CNBD1: variants seen among roughly 807,000 people sequenced by gnomAD.
CNBD1 encodes the protein cyclic nucleotide-binding domain-containing protein 1.
Under a neutral mutation model 54.4 loss-of-function variants are expected in CNBD1, and 71 were observed. That is an observed-to-expected ratio of 1.30 (90% CI 1.08 to 1.59). The LOEUF is 1.59. Ranked by LOEUF, CNBD1 falls within the 40% of genes most tolerant of loss-of-function variation. CNBD1 has a pLI of 0.00. For missense variants in CNBD1, 659 were observed against 518.0 expected (o/e 1.27, Z -2.64); for synonymous variants, 182 against 170.7 (o/e 1.07, Z -0.51).
chr8:87,047,258 T>G (rs1295780060), intron 4 of CNBD1, among the ~76,000 whole-genome samples: 1 of 152,164 alleles, frequency 6.6e-6, no homozygotes, highest in Non-Finnish European at 1.5e-5. Flanking sequence ...GGATGTGTGT[T>G]CCTGGGTAGA....
At chr8:87,275,410 T>C (rs1040820837) in intron 6 of CNBD1, among the ~76,000 whole-genome samples, 2 of 152,018 alleles carry the variant, frequency 1.3e-5, no homozygotes, top group African/African-American at 4.8e-5. Context: ...CCCATGAGCA[T>C]GGAATGTTCT....
At chr8:87,308,114 C>T (rs1809194894) in intron 8 of CNBD1, among the ~76,000 whole-genome samples, 1 of 152,120 alleles carries the variant, frequency 6.6e-6, no homozygotes, top group Admixed American at 6.6e-5. Flanking sequence ...AGTCCCTTTT[C>T]CTGATTGTTC....
intron 4 of CNBD1, among the ~76,000 whole-genome samples, chr8:87,169,108 A>G (rs1563493885): frequency 6.6e-6 from 1 of 151,998 alleles, no homozygotes. Context: ...GCTTTTGGAT[A>G]AAAGCCATTT....
intron 2 of CNBD1, among the ~76,000 whole-genome samples, chr8:86,892,503 A>T (rs1158418946): frequency 6.6e-6 from 1 of 152,170 alleles, no homozygotes; most frequent in African/African-American, 2.4e-5. Context: ...AAAAGAACTA[A>T]CTGACAAAGT....
chr8:87,002,934 A>G (rs994255682), intron 4 of CNBD1, among the ~76,000 whole-genome samples: 5 of 152,106 alleles, frequency 3.3e-5, no homozygotes, highest in Admixed American at 6.6e-5. Flanking sequence ...ATATTTATTG[A>G]CTATTTTAGG....
intron 6 of CNBD1, among the ~76,000 whole-genome samples, chr8:87,247,081 G>A (rs1171093413): frequency 6.6e-5 from 10 of 152,060 alleles, no homozygotes; most frequent in African/African-American, 2.4e-4. Flanking sequence ...TTGGAAACAG[G>A]AGCAGGCTTT....
chr8:87,397,271 C>T (rs1811426719), intron 2 of CNBD1, among the ~76,000 whole-genome samples: 1 of 151,850 alleles, frequency 6.6e-6, no homozygotes. Flanking sequence ...AAGGAACAGC[C>T]TCCCATGACT....
chr8:87,037,407 G>A (rs556291733), intron 4 of CNBD1, among the ~76,000 whole-genome samples: 1 of 152,066 alleles, frequency 6.6e-6, no homozygotes, highest in South Asian at 2.1e-4. Flanking sequence ...TATTATTTCA[G>A]TGATAATCAT....
intron 8 of CNBD1, among the ~76,000 whole-genome samples, chr8:87,307,432 C>CT (rs1563545844): frequency 2.0e-5 from 3 of 152,142 alleles, no homozygotes; most frequent in African/African-American, 7.2e-5. Context: ...TTGCTGAAAA[C>CT]TTAAGTGATC....
intron 5 of CNBD1, among the ~76,000 whole-genome samples, chr8:87,233,787 TAAG>T (rs780964507): frequency 3.8e-4 from 58 of 152,234 alleles, no homozygotes; most frequent in Non-Finnish European, 7.9e-4. Context: ...GGCAATTTCT[TAAG>T]AAGATGGCAA....
intron 1 of CNBD1, among the ~76,000 whole-genome samples, chr8:86,870,672 A>G (rs1808431227): frequency 6.6e-6 from 1 of 152,204 alleles, no homozygotes; most frequent in Admixed American, 6.5e-5. Context: ...ATATATTTGA[A>G]AAAGTGAATA....
intron 4 of CNBD1, among the ~76,000 whole-genome samples, chr8:86,962,964 A>G (rs923301584): frequency 1.3e-5 from 2 of 152,144 alleles, no homozygotes; most frequent in African/African-American, 4.8e-5. Flanking sequence ...CTGAGGGTCA[A>G]AGGAGTCCAG....
chr8:87,016,063 T>G (rs1203880649), intron 4 of CNBD1, among the ~76,000 whole-genome samples: 1 of 151,434 alleles, frequency 6.6e-6, no homozygotes, highest in Admixed American at 6.6e-5. Context: ...GGAAGTAATA[T>G]TTCACTTTCA....
At chr8:87,199,225 G>A (rs1168027391) in intron 4 of CNBD1, among the ~76,000 whole-genome samples, 1 of 152,148 alleles carries the variant, frequency 6.6e-6, no homozygotes, top group African/African-American at 2.4e-5. Context: ...AACACGTACA[G>A]AATGAGAGAA....
At chr8:86,899,378 G>T (rs903339958) in intron 2 of CNBD1, among the ~76,000 whole-genome samples, 1 of 151,934 alleles carries the variant, frequency 6.6e-6, no homozygotes, top group Non-Finnish European at 1.5e-5. Context: ...ATGTTAATTT[G>T]CTTCCCTATA....
intron 8 of CNBD1, among the ~76,000 whole-genome samples, chr8:87,291,490 T>C (rs1345057725): frequency 2.0e-5 from 3 of 152,150 alleles, no homozygotes; most frequent in Non-Finnish European, 2.9e-5. Context: ...GTGCCTCTGT[T>C]ACATATCCGC....
intron 8 of CNBD1, among the ~76,000 whole-genome samples, chr8:87,321,485 G>A (rs1269445401): frequency 2.0e-5 from 3 of 151,930 alleles, no homozygotes; most frequent in Non-Finnish European, 4.4e-5. Flanking sequence ...TTCTACATTT[G>A]GATGTCTTTG....
chr8:87,418,751 G>A (rs727564), intron 2 of CNBD1, among the ~76,000 whole-genome samples: 82,064 of 151,686 alleles, frequency 0.54, 23,108 homozygotes, highest in African/African-American at 0.68. Flanking sequence ...ATAAAACATT[G>A]TGATACCACT....
At chr8:87,232,843 A>G (rs1346233211) in intron 5 of CNBD1, among the ~76,000 whole-genome samples, 1 of 152,166 alleles carries the variant, frequency 6.6e-6, no homozygotes, top group African/African-American at 2.4e-5. Context: ...GAGAAGAGTC[A>G]TGTGAGATAT....
Sources: gnomAD v4.1 joint callset for allele counts (sites outside exome capture counted in the v4.1 genomes callset) on GRCh38, gnomAD v4.1.1 for gene constraint, MANE v1.5 for transcripts, NCBI Gene and HGNC (gene_info 2026-07-23, HGNC 2026-07-21) for gene names.